ZFPM2: variants seen among roughly 807,000 people sequenced by gnomAD.
ZFPM2 encodes the protein zinc finger protein ZFPM2.
Under a neutral mutation model 98.6 loss-of-function variants are expected in ZFPM2, and 20 were observed. That is an observed-to-expected ratio of 0.20 (90% CI 0.14 to 0.29). The LOEUF is 0.29. Among genes scored for constraint, ZFPM2 ranks in the 10% least tolerant of loss-of-function variants. ZFPM2 has a pLI of 1.00. For missense variants in ZFPM2, 1,310 were observed against 1,388.6 expected, an observed-to-expected ratio of 0.94 and a Z score of 0.90; for synonymous variants, 518 against 502.7, an observed-to-expected ratio of 1.03 and a Z score of -0.41.
At position 105,804,198 on chromosome 8, in the gene ZFPM2, A is replaced by C. The variant is rs1288821320; in HGVS notation, c.*660A>C. On this transcript the variant is annotated 3_prime_UTR_variant, in exon 8 of 8. Transcript: ENST00000407775. ...AATTTTTTTCTTGTATAGTACTTGTATTTTCTTTCGCTGATGCAGCTCTGT... is the reference window on the plus strand; with the variant it reads ...AATTTTTTTCTTGTATAGTACTTGTCTTTTCTTTCGCTGATGCAGCTCTGT... The C allele has an allele frequency of 6.6e-6, 1 of 152,464 alleles. No homozygotes were observed. Among genetic ancestry groups the C allele is most frequent in the Admixed American group, 6.6e-5 (1 of 15,256 alleles). 9.4% of individuals were successfully genotyped at this position (152,464 alleles called of 1,614,324 possible).
intron 5 of ZFPM2, among the ~76,000 whole-genome samples, chr8:105,777,271 T>C (rs527244280): frequency 1.7e-4 from 26 of 152,346 alleles, no homozygotes; most frequent in African/African-American, 4.8e-4. Flanking sequence ...AGCCTTGATA[T>C]CTTAAATTGT....
chr8:105,788,981 A>T, intron 6 of ZFPM2, 57 bp downstream of exon 6: 3 of 1,416,476 alleles, frequency 2.1e-6, no homozygotes, highest in Non-Finnish European at 1.9e-6. Context: ...TTATGGGAGA[A>T]AAAAATGTCT....
At chr8:105,624,720 A>C (rs2130823152) in intron 4 of ZFPM2, among the ~76,000 whole-genome samples, 1 of 152,252 alleles carries the variant, frequency 6.6e-6, no homozygotes, top group Non-Finnish European at 1.5e-5. Context: ...CAGGATCATT[A>C]CTTCTTATGC....
chr8:105,770,182 C>G lies in ZFPM2; in HGVS notation c.533-18536C>G, dbSNP rs1430132166. Among the ~76,000 whole-genome samples the G allele has an allele frequency of 2.0e-5, 3 of 151,996 alleles. No individual in the cohort carries two copies. In the East Asian group the frequency reaches 5.8e-4, roughly 29 times the overall value. On this transcript the variant is annotated intron_variant, in intron 5 of 7. Transcript: ENST00000407775. ...AATTGCAGCAGAGATTTGCACAATTCTAACATATTGCCCTTAGCTTATCCT... is the reference window on the plus strand; with the variant it reads ...AATTGCAGCAGAGATTTGCACAATTGTAACATATTGCCCTTAGCTTATCCT...
At chr8:105,326,845 A>AATAT (rs143266803) in intron 1 of ZFPM2, among the ~76,000 whole-genome samples, 10 of 148,182 alleles carry the variant, frequency 6.7e-5, no homozygotes, top group African/African-American at 1.5e-4. Flanking sequence ...ACAACTCATA[A>AATAT]ATATATATAT....
chr8:105,389,027 T>C (rs1422452922), intron 1 of ZFPM2, among the ~76,000 whole-genome samples: 2 of 147,026 alleles, frequency 1.4e-5, no homozygotes, highest in African/African-American at 5.3e-5. Flanking sequence ...TGTGTGTGTG[T>C]GTGTGTGTGT....
chr8:105,724,857 A>AT (rs1032752617), intron 5 of ZFPM2, among the ~76,000 whole-genome samples: 5 of 151,542 alleles, frequency 3.3e-5, no homozygotes, highest in African/African-American at 1.2e-4. Flanking sequence ...AATTTTTTCT[A>AT]TTTCTATGCT....
intron 3 of ZFPM2, among the ~76,000 whole-genome samples, chr8:105,525,217 A>G (rs1023022937): frequency 1.3e-5 from 2 of 152,174 alleles, no homozygotes; most frequent in African/African-American, 2.4e-5. Flanking sequence ...CACATCTACT[A>G]CTTAGGCTGC....
intron 3 of ZFPM2, among the ~76,000 whole-genome samples, chr8:105,502,680 T>A (rs1441295364): frequency 6.6e-6 from 1 of 152,230 alleles, no homozygotes; most frequent in Non-Finnish European, 1.5e-5. Flanking sequence ...AATTTCCTTC[T>A]ATGATAGAGT....
intron 4 of ZFPM2, among the ~76,000 whole-genome samples, chr8:105,575,179 A>T (rs767451577): frequency 6.6e-6 from 1 of 152,162 alleles, no homozygotes; most frequent in Non-Finnish European, 1.5e-5. Flanking sequence ...GCGTGATGAA[A>T]GTCAAACAGT....
chr8:105,351,083 TG>T (rs1812632982), intron 1 of ZFPM2, among the ~76,000 whole-genome samples: 1 of 149,766 alleles, frequency 6.7e-6, no homozygotes, highest in South Asian at 2.1e-4. Context: ...CTGGGGGGGC[TG>T]AGGCAGGAGA....
intron 4 of ZFPM2, among the ~76,000 whole-genome samples, chr8:105,585,637 C>T (rs1724997403): frequency 6.6e-6 from 1 of 150,698 alleles, no homozygotes; most frequent in African/African-American, 2.4e-5. Context: ...GTGACAAATA[C>T]AGACAAATAA....
At chr8:105,319,186 G>C (rs1399262031) in intron 1 of ZFPM2, among the ~76,000 whole-genome samples, 1 of 152,130 alleles carries the variant, frequency 6.6e-6, no homozygotes, top group Non-Finnish European at 1.5e-5. Context: ...GGGCAGGAGA[G>C]AGGCTGCGAG....
intron 3 of ZFPM2, among the ~76,000 whole-genome samples, chr8:105,468,964 G>GTT (rs769144598): frequency 3.8e-4 from 55 of 144,626 alleles, no homozygotes; most frequent in African/African-American, 1.1e-3. Flanking sequence ...ATACAAAGCA[G>GTT]TTTTTTTTTT....
intron 5 of ZFPM2, among the ~76,000 whole-genome samples, chr8:105,756,021 T>A (rs1460737497): frequency 1.3e-5 from 2 of 152,124 alleles, no homozygotes; most frequent in Non-Finnish European, 2.9e-5. Flanking sequence ...AGTGTAAAAA[T>A]ATGAGAACAA....
chr8:105,396,239 G>A (rs952471946), intron 1 of ZFPM2, among the ~76,000 whole-genome samples: 4 of 152,172 alleles, frequency 2.6e-5, no homozygotes, highest in Non-Finnish European at 4.4e-5. Context: ...TAACATATTC[G>A]TTAGATACAT....
chr8:105,556,413 T>C (rs1371635928), intron 3 of ZFPM2, among the ~76,000 whole-genome samples: 1 of 152,184 alleles, frequency 6.6e-6, no homozygotes, highest in Non-Finnish European at 1.5e-5. Context: ...ATTTATCAGG[T>C]ACTTTGCCTT....
intron 4 of ZFPM2, among the ~76,000 whole-genome samples, chr8:105,607,577 A>G (rs1241770824): frequency 6.6e-6 from 1 of 152,058 alleles, no homozygotes; most frequent in African/African-American, 2.4e-5. Flanking sequence ...AACTCCAAAG[A>G]GTTAAATGCG....
chr8:105,505,359 TTTGAGTCACA>T (rs1712687054), intron 3 of ZFPM2, among the ~76,000 whole-genome samples: 1 of 152,150 alleles, frequency 6.6e-6, no homozygotes, highest in Non-Finnish European at 1.5e-5. Context: ...GAACTGCAAC[TTTGAGTCACA>T]TTGATTTAGG....
Sources: gnomAD v4.1 joint callset for allele counts (sites outside exome capture counted in the v4.1 genomes callset) on GRCh38, gnomAD v4.1.1 for gene constraint, MANE v1.5 for transcripts, NCBI Gene and HGNC (gene_info 2026-07-23, HGNC 2026-07-21) for gene names.